The following ATAD2B variants were observed in gnomAD, a reference collection of about 807,000 sequenced individuals.
ATAD2B encodes the protein ATPase family AAA domain containing 2B.
ATAD2B carries 40 observed loss-of-function variants against 167.6 expected under a neutral mutation model. That is an observed-to-expected ratio of 0.24 (90% CI 0.19 to 0.31). ATAD2B has a LOEUF of 0.31. Among genes scored for constraint, ATAD2B ranks in the 10% least tolerant of loss-of-function variants. ATAD2B has a pLI of 1.00. For missense variants in ATAD2B, 1,242 were observed against 1,757.2 expected (o/e 0.71, Z 5.24); for synonymous variants, 579 against 596.5 (o/e 0.97, Z 0.43).
At chr2:23,889,473 G>C (rs552428217) in intron 2 of ATAD2B, among the ~76,000 whole-genome samples, 29 of 151,938 alleles carry the variant, frequency 1.9e-4, no homozygotes, top group Admixed American at 1.8e-3. Flanking sequence ...CAGCCCCTAT[G>C]ACTGCCTTCT....
intron 22 of ATAD2B, among the ~76,000 whole-genome samples, chr2:23,770,740 T>C (rs923406857): frequency 6.6e-6 from 1 of 152,260 alleles, no homozygotes; most frequent in African/African-American, 2.4e-5. Context: ...TCTAGATTAC[T>C]GTAACTTTTT....
At chr2:23,858,072 T>C (rs987910947) in intron 12 of ATAD2B, among the ~76,000 whole-genome samples, 4 of 151,582 alleles carry the variant, frequency 2.6e-5, no homozygotes, top group Admixed American at 6.6e-5. Context: ...ACACGCATGA[T>C]AGCACACCAC....
chr2:23,777,134 G>C (rs1397984042), intron 22 of ATAD2B, among the ~76,000 whole-genome samples: 1 of 152,070 alleles, frequency 6.6e-6, no homozygotes, highest in Non-Finnish European at 1.5e-5. Flanking sequence ...ACAGAGAGAA[G>C]GAGGCCACCA....
the ATAD2B span, chr2:23,684,250 CT>C: frequency 4.0e-6 from 2 of 496,250 alleles, no homozygotes; most frequent in Admixed American, 8.3e-5. This position sits in a 1 kb window ranked among gnomAD's most constrained non-coding sequence, Gnocchi z 4.4. Context: ...CTTCTTTTGA[CT>C]GTCAGTGTTG....
chr2:23,863,613 A>G lies in ATAD2B; in HGVS notation c.1305-58T>C, dbSNP rs1049934405. On this transcript the variant is annotated intron_variant, in intron 11 of 27. Coordinates refer to ENST00000238789, the MANE Select transcript of ATAD2B (RefSeq NM_017552.4). ...TATATTATCATCACTGCTGATAACCAATTTTAAAAAATGTCCCCCCCTTCC... is the reference window on the plus strand; with the variant it reads ...TATATTATCATCACTGCTGATAACCGATTTTAAAAAATGTCCCCCCCTTCC... The G allele has an allele frequency of 5.8e-6, 8 of 1,380,036 alleles. No homozygotes were observed. The African/African-American group carries it at 1.2e-4, about 20-fold the overall frequency. 85.5% of individuals were successfully genotyped at this position (1,380,036 alleles called of 1,614,324 possible).
intron 18 of ATAD2B, among the ~76,000 whole-genome samples, chr2:23,806,640 T>C (rs919586766): frequency 6.6e-6 from 1 of 152,194 alleles, no homozygotes; most frequent in African/African-American, 2.4e-5. Context: ...ACTTAATTTA[T>C]ACATTAATTT....
the ATAD2B span, among the ~76,000 whole-genome samples, chr2:23,724,462 G>T: frequency 6.6e-6 from 1 of 151,918 alleles, no homozygotes; most frequent in Admixed American, 6.6e-5. Flanking sequence ...AACAGAGAAA[G>T]ATATATATAT....
At chr2:23,921,765 T>C (rs1162635638) in intron 1 of ATAD2B, among the ~76,000 whole-genome samples, 1 of 152,210 alleles carries the variant, frequency 6.6e-6, no homozygotes, top group Non-Finnish European at 1.5e-5. Flanking sequence ...CACGTTACAA[T>C]ATATTGTACC....
At chr2:23,828,990 A>G in intron 14 of ATAD2B, 51 bp from the exon 15 acceptor site, 2 of 1,221,544 alleles carry the variant, frequency 1.6e-6, no homozygotes, top group Admixed American at 1.9e-5. Flanking sequence ...AGAAAAGTAC[A>G]GATAAAATAT....
Position 23,867,913 on chromosome 2 carries a change from T to C in ATAD2B, c.1110A>G (p.Leu370=), listed in dbSNP as rs1318681691. ...CTCGTTCTCGGAGAATACCGCTAGC[T>C]AAGTCCTCTGCTCTGAAGTTCATAG... ...CLPMNFRAED[L]ASGILRERVK... is the part of the protein sequence containing the mutation. Residue 370 remains leucine, a synonymous_variant, in exon 10 of 28, where the codon TTA becomes TTG. Coordinates refer to ENST00000238789, the MANE Select transcript of ATAD2B (RefSeq NM_017552.4). 5 of 1,613,648 alleles carry C rather than the reference T, an allele frequency of 3.1e-6. No individual in the cohort carries two copies. In the African/African-American group the frequency reaches 5.3e-5, roughly 17 times the overall value.
chr2:23,706,803 T>A, the ATAD2B span: 4 of 597,342 alleles, frequency 6.7e-6, no homozygotes, highest in Non-Finnish European at 1.1e-5. Context: ...TGTTGAATAT[T>A]CTCTACATTG....
At chr2:23,783,284 C>CA (rs1470292517) in intron 21 of ATAD2B, among the ~76,000 whole-genome samples, 55 of 135,666 alleles carry the variant, frequency 4.1e-4, no homozygotes, top group Non-Finnish European at 6.6e-4. Flanking sequence ...ACCATGTCAG[C>CA]TTTTTTTTTT....
At chr2:23,863,294 C>G in intron 12 of ATAD2B, 87 bp downstream of exon 12, 6 of 1,332,512 alleles carry the variant, frequency 4.5e-6, no homozygotes, top group Non-Finnish European at 6.1e-6. Context: ...GCCTGGGTAA[C>G]AGAGAGAGGC....
chr2:23,767,840 C>T (rs1317995362), intron 22 of ATAD2B, among the ~76,000 whole-genome samples: 1 of 151,606 alleles, frequency 6.6e-6, no homozygotes, highest in Non-Finnish European at 1.5e-5. Context: ...GATTTCCTAG[C>T]TTCTTGCATA....
intron 8 of ATAD2B, among the ~76,000 whole-genome samples, chr2:23,870,576 G>A (rs138778828): frequency 1.8e-4 from 27 of 151,086 alleles, no homozygotes; most frequent in African/African-American, 5.8e-4. Context: ...ATAAGCCACC[G>A]CACAGGGCCA....
intron 24 of ATAD2B, among the ~76,000 whole-genome samples, chr2:23,760,119 G>A (rs1676462272): frequency 1.3e-5 from 2 of 152,226 alleles, no homozygotes; most frequent in Non-Finnish European, 1.5e-5. Context: ...GCTGAAGCAA[G>A]TTACTGCAGG....
intron 2 of ATAD2B, among the ~76,000 whole-genome samples, chr2:23,889,439 A>T (rs1018173678): frequency 1.3e-5 from 2 of 151,808 alleles, no homozygotes; most frequent in East Asian, 3.9e-4. Context: ...AAGTGCTGGG[A>T]TTACAGGCGT....
chr2:23,807,829 AT>A (rs1417998602), intron 18 of ATAD2B, among the ~76,000 whole-genome samples: 57 of 113,642 alleles, frequency 5.0e-4, no homozygotes, highest in African/African-American at 1.6e-3. Context: ...AAAAAAAAAA[AT>A]ATATATATAT....
intron 22 of ATAD2B, among the ~76,000 whole-genome samples, chr2:23,781,106 C>T (rs1679963559): frequency 6.6e-6 from 1 of 151,746 alleles, no homozygotes; most frequent in Admixed American, 6.6e-5. Context: ...CGGCGTACTA[C>T]AATTAAACAT....
Sources: gnomAD v4.1 joint callset for allele counts (sites outside exome capture counted in the v4.1 genomes callset) on GRCh38, gnomAD v4.1.1 for gene constraint, Gnocchi (gnomAD v3.1) non-coding constraint, MANE v1.5 for transcripts, NCBI Gene and HGNC (gene_info 2026-07-23, HGNC 2026-07-21) for gene names.